The following MAP4K4 variants were observed in gnomAD, a reference collection of about 807,000 sequenced individuals.
MAP4K4 encodes HPK/GCK-like kinase HGK.
Under a neutral mutation model 189.6 loss-of-function variants are expected in MAP4K4, and 38 were observed. The observed-to-expected ratio is 0.20, with a 90% CI of 0.15 to 0.26. The LOEUF (loss-of-function observed/expected upper bound fraction) is 0.26. MAP4K4 is among the 10% of genes least tolerant of loss of function. MAP4K4 has a pLI of 1.00. For missense variants in MAP4K4, 1,054 were observed against 1,726.9 expected, an observed-to-expected ratio of 0.61 and a Z score of 6.91; for synonymous variants, 610 against 624.3, an observed-to-expected ratio of 0.98 and a Z score of 0.34.
intron 2 of MAP4K4, among the ~76,000 whole-genome samples, chr2:101,698,997 G>T (rs185570565): frequency 6.6e-6 from 1 of 152,242 alleles, no homozygotes; most frequent in Non-Finnish European, 1.5e-5. Context: ...CTCAAGGTGG[G>T]GAGTTTGGCG....
chr2:101,797,888 A>ATTTTTTTT (rs1558971586), intron 3 of MAP4K4, among the ~76,000 whole-genome samples: 5 of 7,620 alleles, frequency 6.6e-4, no homozygotes, highest in South Asian at 6.5e-3. Context: ...ACATTCTTTT[A>ATTTTTTTT]GTTTTTTTTT....
chr2:101,750,794 C>G (rs1433094795), intron 2 of MAP4K4, among the ~76,000 whole-genome samples: 4 of 151,076 alleles, frequency 2.6e-5, no homozygotes, highest in Admixed American at 2.0e-4. Context: ...CACTTGCACT[C>G]CAGCCTGGGT....
intron 3 of MAP4K4, among the ~76,000 whole-genome samples, chr2:101,803,829 G>A (rs895574374): frequency 6.6e-6 from 1 of 152,200 alleles, no homozygotes; most frequent in Non-Finnish European, 1.5e-5. Flanking sequence ...TACCCTGACA[G>A]AAGGAAAGAC....
In MAP4K4 at chr2:101,846,010, T is replaced by C. The variant is rs141325555; in HGVS notation, c.1233+1699T>C. Among the ~76,000 whole-genome samples the C allele has an allele frequency of 1.5e-3, 224 of 152,344 alleles. 1 individual carries two copies. Among genetic ancestry groups the C allele is most frequent in the African/African-American group, 4.8e-3 (199 of 41,580 alleles). ...TCATTCACTTTGTGTATTTGTAGTCTGGATTCTGAAAACTCTTTATAATTT... is the reference window on the plus strand; with the variant it reads ...TCATTCACTTTGTGTATTTGTAGTCCGGATTCTGAAAACTCTTTATAATTT... On this transcript the variant is annotated intron_variant, in intron 12 of 32. Transcript: ENST00000324219.
chr2:101,776,078 G>C (rs2083938281), intron 2 of MAP4K4, among the ~76,000 whole-genome samples: 1 of 152,122 alleles, frequency 6.6e-6, no homozygotes. Context: ...ATATAGACTG[G>C]AGCCTTTCTG....
chr2:101,860,920 A>G (rs777708617), exon 16 of MAP4K4: 13 of 1,607,444 alleles, frequency 8.1e-6, no homozygotes, highest in Non-Finnish European at 1.1e-5. Flanking sequence ...CTTCCCGATC[A>G]GAGTCTTTTT....
chr2:101,867,668 C>T (rs541929214), intron 20 of MAP4K4: 12 of 359,368 alleles, frequency 3.3e-5, no homozygotes, highest in Non-Finnish European at 6.0e-5. Flanking sequence ...GCCTTTTTAT[C>T]TCTTTCTTGG....
chr2:101,886,426 G>A (rs983776988), intron 29 of MAP4K4, among the ~76,000 whole-genome samples: 1 of 152,074 alleles, frequency 6.6e-6, no homozygotes, highest in Non-Finnish European at 1.5e-5. Context: ...TTTTCAGTGT[G>A]TGACTCCTAC....
chr2:101,717,820 G>C lies in MAP4K4; in HGVS notation c.123+19282G>C, dbSNP rs368520003. Reference sequence around the variant, plus strand: ...GAGACGGTGAAGACTCAGGAGTATAGAGAAAATAGGATGACACTGGAAGCT... The same window carrying C: ...GAGACGGTGAAGACTCAGGAGTATACAGAAAATAGGATGACACTGGAAGCT... On this transcript the variant is annotated intron_variant, in intron 2 of 32. Transcript: ENST00000324219. 8.7e-4 allele frequency among the ~76,000 whole-genome samples: 132 copies of C among 152,312 alleles called. 3 individuals carry two copies. The South Asian group carries it at 0.027, about 31-fold the overall frequency.
chr2:101,698,194 G>GCAGCCGGCAGCC, intron 1 of MAP4K4, 57 bp downstream of exon 1: 1 of 890,820 alleles, frequency 1.1e-6, no homozygotes, highest in Non-Finnish European at 1.4e-6. Context: ...CCGGCAGCCG[G>GCAGCCGGCAGCC]GGCCGCGCCC....
intron 12 of MAP4K4, among the ~76,000 whole-genome samples, chr2:101,854,224 GATT>G (rs1229978201): frequency 2.0e-5 from 3 of 152,172 alleles, no homozygotes; most frequent in Non-Finnish European, 1.5e-5. Context: ...AGACTTTATA[GATT>G]ATTTGTGATA....
At chr2:101,868,536 TTGAG>T (rs1311736180) in intron 21 of MAP4K4, among the ~76,000 whole-genome samples, 8 of 152,262 alleles carry the variant, frequency 5.3e-5, no homozygotes, top group Admixed American at 5.2e-4. Context: ...GGTGGATTGA[TTGAG>T]TCTTAGAGTA....
At chr2:101,720,690 T>A (rs970276879) in intron 2 of MAP4K4, among the ~76,000 whole-genome samples, 2 of 152,268 alleles carry the variant, frequency 1.3e-5, no homozygotes, top group African/African-American at 4.8e-5. Context: ...GAGCGGGCAC[T>A]GATCTTTTTA....
At chr2:101,788,500 A>G (rs1463204663) in intron 2 of MAP4K4, among the ~76,000 whole-genome samples, 3 of 152,158 alleles carry the variant, frequency 2.0e-5, no homozygotes, top group East Asian at 1.9e-4. Flanking sequence ...TCCCAGATTA[A>G]TTTTTCCCGG....
intron 2 of MAP4K4, among the ~76,000 whole-genome samples, chr2:101,755,414 G>A (rs372735053): frequency 4.6e-5 from 7 of 152,018 alleles, no homozygotes; most frequent in Admixed American, 4.6e-4. Flanking sequence ...TTCCCACCCC[G>A]AGTTCCTGAC....
chr2:101,740,840 G>A (rs1298243781), intron 2 of MAP4K4, among the ~76,000 whole-genome samples: 3 of 152,112 alleles, frequency 2.0e-5, no homozygotes, highest in Admixed American at 6.5e-5. Context: ...TTGTGGAAGT[G>A]CAAAATTCTC....
At chr2:101,772,968 C>T (rs759545037) in intron 2 of MAP4K4, among the ~76,000 whole-genome samples, 4 of 152,128 alleles carry the variant, frequency 2.6e-5, no homozygotes, top group East Asian at 1.9e-4. Context: ...TTGACAAAGT[C>T]GGTTTCTTTG....
intron 13 of MAP4K4, 41 bp downstream of exon 13, chr2:101,856,179 T>G: frequency 6.5e-7 from 1 of 1,534,962 alleles, no homozygotes; most frequent in South Asian, 1.2e-5. Flanking sequence ...ACTTGTGAAG[T>G]TTGTTACTTT....
At chr2:101,731,724 C>G (rs1316765217) in intron 2 of MAP4K4, among the ~76,000 whole-genome samples, 1 of 148,376 alleles carries the variant, frequency 6.7e-6, no homozygotes, top group Non-Finnish European at 1.5e-5. Flanking sequence ...GCATTCCAGA[C>G]TGGGTGACAA....
Sources: gnomAD v4.1 joint callset for allele counts (sites outside exome capture counted in the v4.1 genomes callset) on GRCh38, gnomAD v4.1.1 for gene constraint, MANE v1.5 for transcripts, NCBI Gene and HGNC (gene_info 2026-07-23, HGNC 2026-07-21) for gene names.